Variants in OTUD5 observed in about 807,000 individuals in gnomAD.
OTUD5 encodes OTU deubiquitinase 5.
Under a neutral mutation model 36.3 loss-of-function variants are expected in OTUD5, and 2 were observed. The ratio of observed to expected loss-of-function variants is 0.06; its 90% CI spans 0.02 to 0.17. The LOEUF (loss-of-function observed/expected upper bound fraction) is 0.17, where lower values mean the gene tolerates loss of function less well. Among genes scored for constraint, OTUD5 ranks in the 10% least tolerant of loss-of-function variants. The pLI, the probability that OTUD5 is intolerant of heterozygous loss-of-function variation, is 1.00. For missense variants in OTUD5, 233 were observed against 512.3 expected (o/e 0.45, Z 5.26); for synonymous variants, 234 against 214.9 (o/e 1.09, Z -0.78).
At position 48,941,432 on chromosome X, in the gene OTUD5, C is replaced by CAAAAAA. The variant is rs200040194; in HGVS notation, c.688+2752_688+2757dup. 4.7e-4 allele frequency among the ~76,000 whole-genome samples: 15 copies of CAAAAAA among 31,940 alleles called. 2 individuals carry two copies. Among genetic ancestry groups the CAAAAAA allele is most frequent in the African/African-American group, 2.0e-3 (14 of 6,940 alleles). The allele number at this position is 31,940 out of a possible 115,157, so 27.7% of individuals were successfully genotyped here. A position where few individuals can be genotyped will look rare whatever the true frequency, so the allele number is the denominator to read the frequency against. On this transcript the variant is annotated intron_variant, in intron 2 of 8. Transcript: ENST00000376488. Reference sequence around the variant, plus strand: ...TGGGCGACAGAGGGAGACTCCATCTCAAAAAAAAAAAAAAAAAAAAAAAAA... The same window carrying CAAAAAA: ...TGGGCGACAGAGGGAGACTCCATCTCAAAAAAAAAAAAAAAAAAAAAAAAAAAAAAA...
chrX:48,944,238 T>C lies in OTUD5; in HGVS notation c.640A>G (p.Ile214Val), dbSNP rs782067268. 8.3e-7 allele frequency: 1 copy of C among 1,207,704 alleles called. No homozygotes were observed. Among genetic ancestry groups the C allele is most frequent in the Non-Finnish European group, 1.1e-6 (1 of 892,919 alleles). Residue 214 changes from isoleucine to valine, a missense_variant, in exon 2 of 9, where the codon ATC (isoleucine) becomes GTC (valine). Ile to Val is a conservative substitution (Grantham distance 29). Around this residue, in one of 3 missense-constraint regions of OTUD5, gnomAD observed 155 missense variants for 217.2 expected, o/e 0.71. Transcript: ENST00000376488. ...EKALRDKKGF[I>V]IKQMKEDGAC... ...CCATCCTCCTTCATCTGCTTGATGATGAAGCCCTTCTTGTCTCGTAGGGCC... is the reference window on the plus strand; with the variant it reads ...CCATCCTCCTTCATCTGCTTGATGACGAAGCCCTTCTTGTCTCGTAGGGCC...
upstream of OTUD5, chrX:48,957,737 C>A (rs868931159): frequency 1.3e-6 from 1 of 774,371 alleles, no homozygotes; most frequent in Non-Finnish European, 1.5e-6. Context: ...GAGGCGGCGG[C>A]GGCGGCGGCG....
intron 1 of OTUD5, among the ~76,000 whole-genome samples, chrX:48,946,323 A>C (rs1325801686): frequency 9.0e-6 from 1 of 111,712 alleles, no homozygotes; most frequent in Admixed American, 9.5e-5. Flanking sequence ...GGACCTAAAG[A>C]AGCTTTGTAA....
intron 5 of OTUD5, among the ~76,000 whole-genome samples, chrX:48,933,388 A>G (rs1161757481): frequency 9.3e-6 from 1 of 106,995 alleles, no homozygotes; most frequent in Admixed American, 1.0e-4. Context: ...ATAGCGAGGC[A>G]TATGGGAACT....
intron 6 of OTUD5, 71 bp downstream of exon 6, chrX:48,925,776 T>C: frequency 1.1e-6 from 1 of 917,360 alleles, no homozygotes; most frequent in South Asian, 2.1e-5. Flanking sequence ...AATTTTTTTC[T>C]GCTCGCTTGA....
intron 3 of OTUD5, 24 bp from the exon 4 acceptor site, chrX:48,934,891 A>G: frequency 8.3e-7 from 1 of 1,207,715 alleles, no homozygotes. Flanking sequence ...TGGAAGGTTA[A>G]GGTCTGTGTG....
chrX:48,949,161 G>A (rs1400552338), intron 1 of OTUD5, among the ~76,000 whole-genome samples: 1 of 111,813 alleles, frequency 8.9e-6, no homozygotes, highest in African/African-American at 3.3e-5. Flanking sequence ...CCCTTCCCCA[G>A]GAGGGAAAAA....
At chrX:48,939,889 C>T (rs944237937) in intron 2 of OTUD5, 1 of 112,929 alleles carries the variant, frequency 8.9e-6, no homozygotes, top group Non-Finnish European at 1.9e-5. Context: ...CAGGTAGCTG[C>T]CTGCCTCCCA....
At chrX:48,928,295 G>A (rs1557048114) in intron 5 of OTUD5, among the ~76,000 whole-genome samples, 1 of 111,510 alleles carries the variant, frequency 9.0e-6, no homozygotes, top group Admixed American at 9.5e-5. Context: ...AAAAAATTAC[G>A]TCCACAAAAA....
In OTUD5 at chrX:48,956,950, GCTCACCC is replaced by G; in HGVS notation, c.594+20_594+26del. The G allele has an allele frequency of 9.0e-7, 1 of 1,112,022 alleles. No individual in the cohort carries two copies. Among genetic ancestry groups the G allele is most frequent in the South Asian group, 2.3e-5 (1 of 42,671 alleles). The allele number at this position is 1,112,022 out of a possible 1,213,427, so 91.6% of individuals were successfully genotyped here. ...TCTGGGGGTCCCATCTGCCGTGGCC[GCTCACCC>G]CTCACCCCACAGCTCTTACCTGCTC... On this transcript the variant is annotated intron_variant, in intron 1 of 8. Transcript: ENST00000376488.
chrX:48,955,318 A>T (rs1432897696), intron 1 of OTUD5, among the ~76,000 whole-genome samples: 1 of 111,310 alleles, frequency 9.0e-6, no homozygotes, highest in Non-Finnish European at 1.9e-5. Flanking sequence ...ACAGGCCTTC[A>T]CACACCTGAG....
At chrX:48,933,910 A>AAG (rs199515170) in intron 5 of OTUD5, among the ~76,000 whole-genome samples, 12,847 of 109,893 alleles carry the variant, frequency 0.12, 620 homozygotes, top group South Asian at 0.3. Flanking sequence ...AAATGACTGT[A>AAG]AGAGAGAGAG....
At chrX:48,943,209 G>A (rs1412846269) in intron 2 of OTUD5, among the ~76,000 whole-genome samples, 4 of 111,580 alleles carry the variant, frequency 3.6e-5, no homozygotes, top group African/African-American at 1.3e-4. Flanking sequence ...GGAGGATCAG[G>A]TCACATTCCC....
upstream of OTUD5, chrX:48,957,723 G>A: frequency 2.9e-6 from 1 of 343,832 alleles, no homozygotes; most frequent in African/African-American, 2.9e-5. Flanking sequence ...CCTCGGCGGC[G>A]GAGGAGGCGG....
chrX:48,950,230 A>C (rs996928508), intron 1 of OTUD5, among the ~76,000 whole-genome samples: 4 of 111,374 alleles, frequency 3.6e-5, no homozygotes, highest in Non-Finnish European at 7.5e-5. Context: ...GTTATCTTAG[A>C]GTATCAGGTA....
intron 2 of OTUD5, among the ~76,000 whole-genome samples, chrX:48,936,529 G>A (rs1277722168): frequency 9.0e-6 from 1 of 110,994 alleles, no homozygotes; most frequent in Non-Finnish European, 1.9e-5. Context: ...TTACAGGTGT[G>A]AGCCACCGCG....
At chrX:48,953,156 T>C (rs2064176409) in intron 1 of OTUD5, among the ~76,000 whole-genome samples, 2 of 111,772 alleles carry the variant, frequency 1.8e-5, no homozygotes, top group African/African-American at 6.5e-5. Flanking sequence ...AAGCTTGCCT[T>C]GCTCCAAAGC....
chrX:48,932,161 GATAATAATAATAATAATA>G (rs781824408), intron 5 of OTUD5, among the ~76,000 whole-genome samples: 5 of 88,822 alleles, frequency 5.6e-5, no homozygotes, highest in East Asian at 3.5e-4. Context: ...AAAAAAAGAT[GATAATAATAATAATAATA>G]ATAATAATAA....
chrX:48,944,245 C>G lies in OTUD5; in HGVS notation c.633G>C (p.Lys211Asn). 1 of 1,206,351 alleles carries G rather than the reference C, an allele frequency of 8.3e-7. No homozygotes were observed. The highest frequency in any genetic ancestry group is 1.1e-6 in the Non-Finnish European group (1 of 891,948). Residue 211 changes from lysine to asparagine, a missense_variant, in exon 2 of 9, where the codon AAG (lysine) becomes AAC (asparagine). Around this residue, in one of 3 missense-constraint regions of OTUD5, gnomAD observed 155 missense variants for 217.2 expected, o/e 0.71. Transcript: ENST00000376488. ...HWFEKALRDKKGFIIKQMKED... is the reference protein window; with the variant it reads ...HWFEKALRDKNGFIIKQMKED... ...CCTTCATCTGCTTGATGATGAAGCC[C>G]TTCTTGTCTCGTAGGGCCTTTTCAA...
Sources: allele counts gnomAD v4.1 joint callset (sites outside exome capture counted in the v4.1 genomes callset), GRCh38; gene constraint gnomAD v4.1.1; regional missense constraint gnomAD v4.1.1; transcripts MANE v1.5; gene names NCBI Gene and HGNC (gene_info 2026-07-23, HGNC 2026-07-21).